The following FAF1 variants were observed in gnomAD, a reference collection of about 807,000 sequenced individuals.
FAF1 encodes the protein Fas associated factor 1.
In FAF1, 25 loss-of-function variants were observed where a neutral mutation model predicts 92.5. The ratio of observed to expected loss-of-function variants is 0.27; its 90% CI spans 0.20 to 0.38. The LOEUF (loss-of-function observed/expected upper bound fraction) is 0.38, where lower values mean the gene tolerates loss of function less well. Among genes scored for constraint, FAF1 ranks in the 10% least tolerant of loss-of-function variants. The pLI, the probability that FAF1 is intolerant of heterozygous loss-of-function variation, is 1.00. For missense variants in FAF1, 636 were observed against 793.3 expected (o/e 0.80, Z 2.38); for synonymous variants, 234 against 273.2 (o/e 0.86, Z 1.42).
rs138065919 is a variant in FAF1, at chr1:50,532,902, C to T, written c.1494+2467G>A. 4.4e-3 allele frequency among the ~76,000 whole-genome samples: 671 copies of T among 152,252 alleles called. 2 individuals are homozygous for T. Among genetic ancestry groups the T allele is most frequent in the Non-Finnish European group, 6.0e-3 (407 of 68,018 alleles). ...GCATAGCTCACTGCAGCCTTCAACT[C>T]GTGGGCTCAAGTGATTCTCCCACCT... On this transcript the variant is annotated intron_variant, in intron 15 of 18. Transcript: ENST00000396153.
chr1:50,677,895 CAAAAAAAA>C (rs1036524797), intron 7 of FAF1, among the ~76,000 whole-genome samples: 21 of 62,544 alleles, frequency 3.4e-4, no homozygotes, highest in African/African-American at 1.1e-3. Context: ...AACTCTGCCT[CAAAAAAAA>C]AAAAAAAAAA....
intron 12 of FAF1, among the ~76,000 whole-genome samples, chr1:50,576,497 C>A (rs1650741091): frequency 6.6e-6 from 1 of 152,040 alleles, no homozygotes. Context: ...GATTTTTATT[C>A]CTGTTGATTT....
At chr1:50,631,337 C>G (rs1159829972) in intron 8 of FAF1, among the ~76,000 whole-genome samples, 1 of 152,134 alleles carries the variant, frequency 6.6e-6, no homozygotes, top group East Asian at 1.9e-4. Context: ...TTGCACCAGC[C>G]AGATCTGTCC....
chr1:50,566,153 C>T (rs562906812), intron 13 of FAF1, among the ~76,000 whole-genome samples: 91 of 152,098 alleles, frequency 6.0e-4, no homozygotes, highest in African/African-American at 2.1e-3. Flanking sequence ...TATTTTGCCT[C>T]ACATTTAAGG....
At chr1:50,574,898 CTTTTTTTTT>C (rs891527014) in intron 12 of FAF1, among the ~76,000 whole-genome samples, 2 of 71,398 alleles carry the variant, frequency 2.8e-5, no homozygotes, top group South Asian at 5.5e-4. Context: ...TGTATTAACT[CTTTTTTTTT>C]TTTTTTTTTT....
intron 5 of FAF1, among the ~76,000 whole-genome samples, chr1:50,742,100 G>C (rs112090968): frequency 0.02 from 3,037 of 151,794 alleles, 96 homozygotes; most frequent in African/African-American, 0.071. Context: ...CATGAGTCCA[G>C]GAATTCAGGA....
intron 2 of FAF1, among the ~76,000 whole-genome samples, chr1:50,821,123 T>C (rs1379348652): frequency 6.6e-6 from 1 of 152,184 alleles, no homozygotes; most frequent in East Asian, 1.9e-4. Context: ...CACCACAAGG[T>C]TGTTATAAGA....
Position 50,763,131 on chromosome 1 carries a change from G to A in FAF1, c.368-18356C>T, listed in dbSNP as rs553648912. 1.2e-3 allele frequency among the ~76,000 whole-genome samples: 180 copies of A among 152,060 alleles called. 5 individuals carry two copies. The highest frequency in any genetic ancestry group is 2.1e-4 in the Non-Finnish European group (14 of 67,976). The stretch of plus-strand genomic sequence containing the variant: ...AATTAGCTGGGGCATGGTGGCATGC[G>A]TCTGTAGTCCCAGCTACTCGGGTGG... On this transcript the variant is annotated intron_variant, in intron 4 of 18. Coordinates refer to ENST00000396153, the MANE Select transcript of FAF1 (RefSeq NM_007051.3).
At chr1:50,666,575 C>G (rs910364215) in intron 7 of FAF1, among the ~76,000 whole-genome samples, 18 of 152,222 alleles carry the variant, frequency 1.2e-4, no homozygotes, top group Admixed American at 6.5e-4. Context: ...TAATTCTAAA[C>G]AGTGGTCATT....
At chr1:50,504,970 A>G (rs1647041883) in intron 15 of FAF1, among the ~76,000 whole-genome samples, 1 of 152,216 alleles carries the variant, frequency 6.6e-6, no homozygotes, top group Non-Finnish European at 1.5e-5. Context: ...GGTGACTCCT[A>G]TCATATGCAG....
chr1:50,586,906 T>C (rs1651261527), intron 9 of FAF1, among the ~76,000 whole-genome samples: 1 of 152,202 alleles, frequency 6.6e-6, no homozygotes, highest in South Asian at 2.1e-4. Flanking sequence ...CATGTTCTTT[T>C]ACAGTGCCTA....
chr1:50,898,090 T>G (rs927848515), intron 1 of FAF1, among the ~76,000 whole-genome samples: 1 of 152,218 alleles, frequency 6.6e-6, no homozygotes, highest in African/African-American at 2.4e-5. Flanking sequence ...TGAAGTTGTT[T>G]GCTACACAGC....
chr1:50,437,512 G>C lies in FAF1; in HGVS notation c.*3928C>G, dbSNP rs1646137636. 6.6e-6 allele frequency: 1 copy of C among 151,932 alleles called. No individual in the cohort carries two copies. Among genetic ancestry groups the C allele is most frequent in the Non-Finnish European group, 1.5e-5 (1 of 68,014 alleles). The allele number at this position is 151,932 out of a possible 1,614,324, so 9.4% of individuals were successfully genotyped here. On this transcript the variant is annotated 3_prime_UTR_variant, in exon 19 of 19. Coordinates refer to ENST00000396153, the MANE Select transcript of FAF1 (RefSeq NM_007051.3). ...TGATCACTTTGCCTCAGCCTCAACA[G>C]TAGCTGGGACTACAGGCAAGTACCA...
chr1:50,884,991 T>C (rs1176866078), intron 1 of FAF1, among the ~76,000 whole-genome samples: 1 of 152,218 alleles, frequency 6.6e-6, no homozygotes, highest in Non-Finnish European at 1.5e-5. Context: ...TTCTTTATGG[T>C]TGAATCTTGG....
chr1:50,780,789 G>A (rs1661146969), intron 4 of FAF1: 2 of 370,930 alleles, frequency 5.4e-6, no homozygotes. Context: ...ACAGGTGAGT[G>A]ATGGACTTAC....
At chr1:50,571,440 A>T (rs1650433109) in intron 12 of FAF1, among the ~76,000 whole-genome samples, 1 of 152,208 alleles carries the variant, frequency 6.6e-6, no homozygotes, top group African/African-American at 2.4e-5. Flanking sequence ...AATGTAGGTT[A>T]AGTACCTATT....
intron 1 of FAF1, among the ~76,000 whole-genome samples, chr1:50,884,321 C>T (rs1644638871): frequency 6.6e-6 from 1 of 151,668 alleles, no homozygotes; most frequent in Non-Finnish European, 1.5e-5. Context: ...TCAAGACTAG[C>T]CTGGCCAACA....
chr1:50,763,357 A>C (rs1205544779), intron 4 of FAF1, among the ~76,000 whole-genome samples: 1 of 152,152 alleles, frequency 6.6e-6, no homozygotes, highest in Non-Finnish European at 1.5e-5. Flanking sequence ...TCTAATACTG[A>C]TTTTTAACAA....
At chr1:50,947,094 G>A (rs146323732) in intron 1 of FAF1, among the ~76,000 whole-genome samples, 4 of 152,174 alleles carry the variant, frequency 2.6e-5, no homozygotes, top group African/African-American at 9.6e-5. Context: ...CATATACAAA[G>A]TAACCAAAAG....
Sources: gnomAD v4.1 joint callset for allele counts (sites outside exome capture counted in the v4.1 genomes callset) on GRCh38, gnomAD v4.1.1 for gene constraint, MANE v1.5 for transcripts, NCBI Gene and HGNC (gene_info 2026-07-23, HGNC 2026-07-21) for gene names.